Variants in RASEF observed in about 807,000 individuals in gnomAD.
RASEF encodes RAS and EF-hand domain containing.
A neutral mutation model predicts 90.1 loss-of-function variants in RASEF; 68 were observed. That is an observed-to-expected ratio of 0.75 (90% confidence interval 0.62 to 0.92). RASEF has a LOEUF of 0.92. RASEF is among the 40% of genes least tolerant of loss of function. The pLI is 0.00. For missense variants in RASEF, 949 were observed against 937.2 expected (o/e 1.01, Z -0.16); for synonymous variants, 331 against 345.2 (o/e 0.96, Z 0.46).
At chr9:83,159,852 G>T in the RASEF span, among the ~76,000 whole-genome samples, 1 of 152,168 alleles carries the variant, frequency 6.6e-6, no homozygotes, top group African/African-American at 2.4e-5. Flanking sequence ...CCCAGTGGGA[G>T]GTGATTGAAT....
chr9:82,997,157 G>T (rs1564071121), intron 13 of RASEF, 31 bp from the exon 14 acceptor site: 2 of 1,331,882 alleles, frequency 1.5e-6, no homozygotes, highest in Non-Finnish European at 2.2e-6. Context: ...TCATCAGTCA[G>T]TTTGTGTTGC....
chr9:83,144,980 A>T, the RASEF span, among the ~76,000 whole-genome samples: 1 of 152,198 alleles, frequency 6.6e-6, no homozygotes, highest in African/African-American at 2.4e-5. Context: ...ATGGATTTTT[A>T]TTCTCATAAA....
the RASEF span, among the ~76,000 whole-genome samples, chr9:83,124,423 T>C: frequency 1.3e-5 from 2 of 152,340 alleles, no homozygotes; most frequent in African/African-American, 4.8e-5. Context: ...GGGCCAAACC[T>C]TCCTCTGAGA....
the RASEF span, among the ~76,000 whole-genome samples, chr9:83,117,530 G>C: frequency 6.6e-6 from 1 of 152,154 alleles, no homozygotes; most frequent in African/African-American, 2.4e-5. Context: ...AATAGCTGCT[G>C]CTCTGGCACC....
chr9:82,982,738 G>A lies in RASEF; in HGVS notation c.2162C>T (p.Thr721Ile). The stretch of plus-strand genomic sequence containing the variant: ...TTTGGAATTGGTCCCGGTTAGATTG[G>A]TAATGGATCTGCTGTCATCCTTGTC... ...RTDKDDSRSI[T>I]NLTGTNSKKS... is the part of the protein sequence containing the mutation. The change falls in exon 17 of 17, where the codon ACC (threonine) becomes ATC (isoleucine). Residue 721 changes from threonine (T) to isoleucine (I), a missense_variant. This residue lies in a region of RASEF where 288 missense variants were observed against 328.4 expected (regional missense o/e 0.88). Coordinates refer to ENST00000376447, the MANE Select transcript of RASEF (RefSeq NM_152573.4). 1 of 1,610,314 alleles carries A rather than the reference G, an allele frequency of 6.2e-7. No individual in the cohort carries two copies. The highest frequency in any genetic ancestry group is 8.5e-7 in the Non-Finnish European group (1 of 1,176,814).
rs553465171 is a variant in RASEF, at chr9:83,055,311, G to A, written c.431+7126C>T. On this transcript the variant is annotated intron_variant, in intron 1 of 16. Coordinates refer to ENST00000376447, the MANE Select transcript of RASEF (RefSeq NM_152573.4). The stretch of plus-strand genomic sequence containing the variant: ...CGGGTGGGAGTGACCCGATTTTCCA[G>A]GTGCGTCCGTCACCCCTTTCTTTGA... The A allele has an allele frequency of 2.9e-5, 11 of 375,504 alleles. 1 individual carries two copies. The highest frequency in any genetic ancestry group is 2.2e-4 in the African/African-American group (10 of 46,130). The allele number at this position is 375,504 out of a possible 1,614,324, so 23.3% of individuals were successfully genotyped here. A position where few individuals can be genotyped will look rare whatever the true frequency, so the allele number is the denominator to read the frequency against.
chr9:83,208,094 GCTGT>G, the RASEF span, among the ~76,000 whole-genome samples: 1 of 152,162 alleles, frequency 6.6e-6, no homozygotes, highest in Non-Finnish European at 1.5e-5. Flanking sequence ...TGGAGCTGTC[GCTGT>G]CGCAGGGGGC....
chr9:83,170,993 C>G, the RASEF span, among the ~76,000 whole-genome samples: 1 of 151,882 alleles, frequency 6.6e-6, no homozygotes, highest in East Asian at 1.9e-4. Context: ...GCATCTTTGT[C>G]TTGTTCCAGA....
At chr9:83,003,895 T>C (rs1470502240) in intron 9 of RASEF, among the ~76,000 whole-genome samples, 1 of 152,180 alleles carries the variant, frequency 6.6e-6, no homozygotes, top group Admixed American at 6.5e-5. Context: ...TGTATAAACA[T>C]ACACATACAC....
chr9:82,988,137 T>G (rs139673835), intron 16 of RASEF, among the ~76,000 whole-genome samples: 1 of 152,176 alleles, frequency 6.6e-6, no homozygotes, highest in Non-Finnish European at 1.5e-5. Flanking sequence ...ACACAACCAT[T>G]TGAAAAGTAA....
intron 9 of RASEF, among the ~76,000 whole-genome samples, chr9:83,003,833 A>G (rs1039200027): frequency 1.3e-5 from 2 of 152,208 alleles, no homozygotes; most frequent in Admixed American, 6.5e-5. Context: ...TTTCACTTCT[A>G]ATTTCAAATT....
intron 1 of RASEF, among the ~76,000 whole-genome samples, chr9:83,044,975 G>A (rs149822791): frequency 7.3e-4 from 111 of 152,236 alleles, no homozygotes; most frequent in African/African-American, 2.4e-3. Context: ...CCTTTTCACC[G>A]GGACTGCAAC....
intron 1 of RASEF, chr9:83,048,477 G>C (rs1829973024): frequency 1.0e-6 from 1 of 985,056 alleles, no homozygotes. Context: ...CTTTTGGCAG[G>C]AGACTATTTC....
chr9:83,030,035 T>C (rs1174940019), intron 1 of RASEF, among the ~76,000 whole-genome samples: 1 of 152,200 alleles, frequency 6.6e-6, no homozygotes, highest in Non-Finnish European at 1.5e-5. Context: ...AAACCTGCTC[T>C]TTAATAGAAC....
chr9:83,139,033 A>G, the RASEF span, among the ~76,000 whole-genome samples: 2 of 152,124 alleles, frequency 1.3e-5, no homozygotes, highest in East Asian at 3.9e-4. Flanking sequence ...GTAAGTCTGG[A>G]AATGGCAGCA....
the RASEF span, among the ~76,000 whole-genome samples, chr9:83,191,748 C>G: frequency 6.6e-6 from 1 of 152,130 alleles, no homozygotes; most frequent in East Asian, 1.9e-4. Context: ...CCTCTCACCT[C>G]CCTCACCCCT....
At chr9:82,991,599 C>T (rs944250128) in intron 15 of RASEF, among the ~76,000 whole-genome samples, 3 of 152,146 alleles carry the variant, frequency 2.0e-5, no homozygotes, top group Non-Finnish European at 2.9e-5. Context: ...GACCTTTACT[C>T]GTAAGCCCAC....
At chr9:83,091,436 T>C in the RASEF span, among the ~76,000 whole-genome samples, 1 of 152,080 alleles carries the variant, frequency 6.6e-6, no homozygotes, top group Admixed American at 6.5e-5. Context: ...GCACATGTAG[T>C]CCCAGCTATT....
chr9:83,144,392 G>GAAAGAAAGA, the RASEF span, among the ~76,000 whole-genome samples: 7 of 3,448 alleles, frequency 2.0e-3, no homozygotes, highest in African/African-American at 5.5e-3. Context: ...AGAAAGAAAG[G>GAAAGAAAGA]AAAGAAAGAA....
Sources: gnomAD v4.1 joint callset for allele counts (sites outside exome capture counted in the v4.1 genomes callset) on GRCh38, gnomAD v4.1.1 for gene constraint, gnomAD v4.1.1 regional missense constraint, MANE v1.5 for transcripts, NCBI Gene and HGNC (gene_info 2026-07-23, HGNC 2026-07-21) for gene names.